PHGDH: variants seen among roughly 807,000 people sequenced by gnomAD.
The protein encoded by PHGDH is phosphoglycerate dehydrogenase, also known as D-3-phosphoglycerate dehydrogenase.
Under a neutral mutation model 52.6 loss-of-function variants are expected in PHGDH, and 50 were observed. That is an observed-to-expected ratio of 0.95 (90% confidence interval 0.76 to 1.20). The LOEUF is 1.20. PHGDH is among the 50% of genes most tolerant of loss of function. PHGDH has a pLI of 0.00. For missense variants in PHGDH, 630 were observed against 684.6 expected (o/e 0.92, Z 0.89); for synonymous variants, 271 against 280.5 (o/e 0.97, Z 0.34).
At chr1:119,727,226 T>C in intron 5 of PHGDH, 124 bp downstream of exon 5, 2 of 716,342 alleles carry the variant, frequency 2.8e-6, no homozygotes, top group Non-Finnish European at 5.1e-6. Context: ...GGAGCCCCCA[T>C]CTAAATAAGT....
intron 8 of PHGDH, among the ~76,000 whole-genome samples, chr1:119,738,771 G>A (rs12731327): frequency 2.0e-5 from 3 of 151,768 alleles, no homozygotes; most frequent in African/African-American, 7.3e-5. Context: ...CTCTGGCAGA[G>A]CGAGGGGGTG....
At chr1:119,726,797 C>T in intron 3 of PHGDH, 54 bp from the exon 4 acceptor site, 1 of 1,460,066 alleles carries the variant, frequency 6.8e-7, no homozygotes, top group Non-Finnish European at 9.6e-7. Context: ...GCATCTCCTT[C>T]CTGGGCTGGC....
chr1:119,723,362 T>C lies in PHGDH; in HGVS notation c.291-14T>C, dbSNP rs1651260693. The C allele has an allele frequency of 6.2e-7, 1 of 1,608,132 alleles. No individual in the cohort carries two copies. Among genetic ancestry groups the C allele is most frequent in the Non-Finnish European group, 8.5e-7 (1 of 1,174,604 alleles). On this transcript the variant is annotated splice_polypyrimidine_tract_variant and intron_variant, in intron 2 of 11. Transcript: ENST00000641023. Reference sequence around the variant, plus strand: ...TCTGTGCCCATTGATGTCCCCCTTTTCTTTGATCTTTAGCACCCCCAATGG... The same window carrying C: ...TCTGTGCCCATTGATGTCCCCCTTTCCTTTGATCTTTAGCACCCCCAATGG...
In PHGDH at chr1:119,743,021, C is replaced by G; in HGVS notation, c.1424C>G (p.Pro475Arg). The G allele has an allele frequency of 1.2e-6, 2 of 1,611,508 alleles. No homozygotes were observed. The highest frequency in any genetic ancestry group is 1.7e-6 in the Non-Finnish European group (2 of 1,177,536). Residue 475 changes from proline (P) to arginine (R), a missense_variant, in exon 11 of 12, where the codon CCT (proline) becomes CGT (arginine). By Grantham distance (103) the Pro-to-Arg change is moderately radical (BLOSUM62 -2). Transcript: ENST00000641023. ...CTATTCCGGACTCAGACCTCTGACC[C>G]TGCAATGCTGCCTACCATGATTGGT... ...LLLFRTQTSD[P>R]AMLPTMIGLL... is the part of the protein sequence containing the mutation.
chr1:119,734,677 C>T lies in PHGDH; in HGVS notation c.554C>T (p.Ser185Phe). Reference protein sequence around the residue: ...DPIISPEVSASFGVQQLPLEE... With the variant: ...DPIISPEVSAFFGVQQLPLEE... ...ATCATTTCCCCAGAGGTCTCGGCCTCCTTTGGTGTTCAGCAGCTGCCCCTG... is the reference window on the plus strand; with the variant it reads ...ATCATTTCCCCAGAGGTCTCGGCCTTCTTTGGTGTTCAGCAGCTGCCCCTG... The change falls in exon 6 of 12, where the codon TCC (serine) becomes TTC (phenylalanine). Residue 185 changes from serine (S) to phenylalanine (F), a missense_variant. Transcript: ENST00000641023. 6.2e-7 allele frequency: 1 copy of T among 1,614,148 alleles called. No individual in the cohort carries two copies. The highest frequency in any genetic ancestry group is 8.5e-7 in the Non-Finnish European group (1 of 1,179,984).
chr1:119,732,422 G>A (rs587692324), intron 5 of PHGDH, among the ~76,000 whole-genome samples: 1 of 152,272 alleles, frequency 6.6e-6, no homozygotes, highest in South Asian at 2.1e-4. Flanking sequence ...TGAATGGTGG[G>A]TACCCAGAGG....
In PHGDH at chr1:119,740,470, C is replaced by T. The variant is rs769256568; in HGVS notation, c.1030C>T (p.Arg344Ter). 1.3e-5 allele frequency: 21 copies of T among 1,603,962 alleles called. No homozygotes were observed. The highest frequency in any genetic ancestry group is 6.7e-5 in the East Asian group (3 of 44,456). Reference protein sequence around the residue: ...GLAEALGTLMRAWAGSPKGTI... With the variant: ...GLAEALGTLM ...GGCAGAAGCTCTGGGGACACTGATGCGAGCCTGGGCTGGGTCCCCCAAAGG... is the reference window on the plus strand; with the variant it reads ...GGCAGAAGCTCTGGGGACACTGATGTGAGCCTGGGCTGGGTCCCCCAAAGG... The change falls in exon 9 of 12, where the codon CGA becomes TGA. Residue 344 changes from arginine to a stop codon, truncating the protein, a stop_gained. Transcript: ENST00000641023. LOFTEE classifies it high-confidence loss of function.
Position 119,744,139 on chromosome 1 carries a change from G to T in PHGDH, c.*99G>T. ...AAATCCACATTCTTGGGCTGAACGC[G>T]GGCCTCTGACACTGCTTACACTGCA... On this transcript the variant is annotated 3_prime_UTR_variant, in exon 12 of 12. Transcript: ENST00000641023. 8.7e-7 allele frequency: 1 copy of T among 1,147,356 alleles called. No individual in the cohort carries two copies. The highest frequency in any genetic ancestry group is 1.3e-6 in the Non-Finnish European group (1 of 760,970). The allele number at this position is 1,147,356 out of a possible 1,614,324, so 71.1% of individuals were successfully genotyped here.
intron 1 of PHGDH, among the ~76,000 whole-genome samples, chr1:119,717,875 T>TA (rs1651000129): frequency 6.6e-6 from 1 of 152,182 alleles, no homozygotes. Context: ...TGTGAAGTGT[T>TA]AAAGTTATTT....
rs975851015 is a variant in PHGDH at position 119,742,989 on chromosome 1, C to G, written c.1392C>G (p.Pro464=). ...RPEVPLRRDL[P]LLLFRTQTSD... is the part of the protein sequence containing the mutation. ...AAGTGCCTCTCCGCAGGGACCTGCC[C>G]CTGCTCCTATTCCGGACTCAGACCT... is the stretch of plus-strand genomic sequence containing the variant. The change falls in exon 11 of 12, where the codon CCC becomes CCG. Residue 464 remains proline (P), a synonymous_variant. Coordinates refer to ENST00000641023, the MANE Select transcript of PHGDH (RefSeq NM_006623.4). 1 of 1,614,136 alleles carries G rather than the reference C, an allele frequency of 6.2e-7. No individual in the cohort carries two copies. The highest frequency in any genetic ancestry group is 8.5e-7 in the Non-Finnish European group (1 of 1,179,952).
At chr1:119,735,817 C>A (rs776450437) in intron 7 of PHGDH, among the ~76,000 whole-genome samples, 9 of 152,222 alleles carry the variant, frequency 5.9e-5, no homozygotes, top group Non-Finnish European at 1.0e-4. Context: ...GATGGAAATG[C>A]AGTCCCATTG....
In PHGDH at chr1:119,744,188, A is replaced by C. The variant is rs1652341206; in HGVS notation, c.*148A>C. The C allele has an allele frequency of 1.3e-6, 1 of 757,980 alleles. No individual in the cohort carries two copies. The highest frequency in any genetic ancestry group is 1.4e-5 in the South Asian group (1 of 69,430). 47.0% of individuals were successfully genotyped at this position (757,980 alleles called of 1,614,324 possible). A position where few individuals can be genotyped will look rare whatever the true frequency, so the allele number is the denominator to read the frequency against. On this transcript the variant is annotated 3_prime_UTR_variant, in exon 12 of 12. Transcript: ENST00000641023. ...CACTCTGACCCTGTAGTACAGCAATAACCGTCTAATAAAGAGCCTACCCCC... is the reference window on the plus strand; with the variant it reads ...CACTCTGACCCTGTAGTACAGCAATCACCGTCTAATAAAGAGCCTACCCCC...
rs1300114799 is a variant in PHGDH, at chr1:119,727,029, A to G, written c.437A>G (p.Lys146Arg). Residue 146 changes from lysine (K) to arginine (R), a missense_variant, in exon 5 of 12, where the codon AAG becomes AGG. Transcript: ENST00000641023. ...KKFMGTELNG[K>R]TLGILGLGRI... ...TTCATGGGAACAGAGCTGAATGGAA[A>G]GACCCTGGGAATTCTTGGCCTGGGC... 2 of 1,613,854 alleles carry G rather than the reference A, an allele frequency of 1.2e-6. No homozygotes were observed. The highest frequency in any genetic ancestry group is 1.7e-6 in the Non-Finnish European group (2 of 1,179,676).
In PHGDH at chr1:119,726,549, A is replaced by G. The variant is rs1030233404; in HGVS notation, c.357-302A>G. On this transcript the variant is annotated intron_variant, in intron 3 of 11. Coordinates refer to ENST00000641023, the MANE Select transcript of PHGDH (RefSeq NM_006623.4). Reference sequence around the variant, plus strand: ...CCCTACAGACCCTGGAGGATTGGCGATCGCTTAAAGTAAAAAACTCACTCT... The same window carrying G: ...CCCTACAGACCCTGGAGGATTGGCGGTCGCTTAAAGTAAAAAACTCACTCT... 10 of 498,246 alleles carry G rather than the reference A, an allele frequency of 2.0e-5. 1 individual carries two copies. Among genetic ancestry groups the G allele is most frequent in the African/African-American group, 5.8e-5 (3 of 51,712 alleles). 30.9% of individuals were successfully genotyped at this position (498,246 alleles called of 1,614,324 possible). A position where few individuals can be genotyped will look rare whatever the true frequency, so the allele number is the denominator to read the frequency against.
intron 3 of PHGDH, among the ~76,000 whole-genome samples, chr1:119,725,767 T>A (rs1224664396): frequency 3.3e-5 from 5 of 152,150 alleles, no homozygotes. Flanking sequence ...GCTCGCTCAC[T>A]CTGAGGTTTT....
rs373725821 is a variant in PHGDH at position 119,735,288 on chromosome 1, C to A, written c.644-7C>A. The stretch of plus-strand genomic sequence containing the variant: ...CCCCAGCAGGAAGATGCTTCGCTTT[C>A]TTCCAGGCTTGCTGAATGACAACAC... On this transcript the variant is annotated splice_polypyrimidine_tract_variant and splice_region_variant and intron_variant, in intron 6 of 11. Transcript: ENST00000641023. 1 of 1,614,208 alleles carries A rather than the reference C, an allele frequency of 6.2e-7. No homozygotes were observed. The highest frequency in any genetic ancestry group is 8.5e-7 in the Non-Finnish European group (1 of 1,180,040).
Position 119,727,031 on chromosome 1 carries a change from A to G in PHGDH, c.439A>G (p.Thr147Ala), listed in dbSNP as rs1361480087. Residue 147 changes from threonine (T) to alanine (A), a missense_variant, in exon 5 of 12, where the codon ACC (threonine) becomes GCC (alanine). Coordinates refer to ENST00000641023, the MANE Select transcript of PHGDH (RefSeq NM_006623.4). ...CATGGGAACAGAGCTGAATGGAAAG[A>G]CCCTGGGAATTCTTGGCCTGGGCAG... ...KFMGTELNGK[T>A]LGILGLGRIG... 6.2e-7 allele frequency: 1 copy of G among 1,613,698 alleles called. No individual in the cohort carries two copies.
At chr1:119,730,949 G>T (rs1040623642) in intron 5 of PHGDH, among the ~76,000 whole-genome samples, 7 of 152,164 alleles carry the variant, frequency 4.6e-5, no homozygotes, top group Non-Finnish European at 8.8e-5. Context: ...GCAGAATCAG[G>T]TCCAAAAAGA....
chr1:119,741,037 A>G (rs1186907006), intron 9 of PHGDH, among the ~76,000 whole-genome samples: 1 of 152,064 alleles, frequency 6.6e-6, no homozygotes, highest in Non-Finnish European at 1.5e-5. Flanking sequence ...CCCTCGAGAG[A>G]GAGTTTGCTC....
Sources: allele counts gnomAD v4.1 joint callset (sites outside exome capture counted in the v4.1 genomes callset), GRCh38; gene constraint gnomAD v4.1.1; transcripts MANE v1.5; gene names NCBI Gene and HGNC (gene_info 2026-07-23, HGNC 2026-07-21).